Variants in DOCK4 observed in about 807,000 individuals in gnomAD.
DOCK4 encodes the protein dedicator of cytokinesis 4.
Under a neutral mutation model 268.1 loss-of-function variants are expected in DOCK4, and 97 were observed. The observed-to-expected ratio is 0.36, with a 90% CI of 0.31 to 0.43. DOCK4 has a LOEUF of 0.43. DOCK4 is among the 20% of genes least tolerant of loss of function. The pLI is 1.00. For missense variants in DOCK4, 2,145 were observed against 2,455.7 expected (o/e 0.87, Z 2.67); for synonymous variants, 954 against 887.2 (o/e 1.08, Z -1.34).
intron 1 of DOCK4, among the ~76,000 whole-genome samples, chr7:112,179,177 A>C (rs1458626839): frequency 6.6e-6 from 1 of 152,180 alleles, no homozygotes; most frequent in Non-Finnish European, 1.5e-5. Context: ...TCTTGAGACC[A>C]GGAGCTCGGG....
At chr7:112,010,319 CAG>C (rs752089991) in intron 1 of DOCK4, among the ~76,000 whole-genome samples, 31 of 152,176 alleles carry the variant, frequency 2.0e-4, no homozygotes, top group Non-Finnish European at 4.1e-4. Context: ...GGAGGAAAGA[CAG>C]AAGTCATTTG....
intron 30 of DOCK4, among the ~76,000 whole-genome samples, chr7:111,798,824 A>G (rs117353478): frequency 0.043 from 6,540 of 152,342 alleles, 180 homozygotes; most frequent in Middle Eastern, 0.071. Flanking sequence ...AACTCCAAGT[A>G]TGCTTTCCTA....
chr7:111,926,945 A>G (rs1041085941), intron 12 of DOCK4, among the ~76,000 whole-genome samples: 7 of 152,234 alleles, frequency 4.6e-5, no homozygotes, highest in African/African-American at 1.7e-4. Flanking sequence ...GAAGACAGGA[A>G]GAAAGAAAAC....
intron 1 of DOCK4, among the ~76,000 whole-genome samples, chr7:112,144,797 C>T (rs909560575): frequency 6.6e-6 from 1 of 152,174 alleles, no homozygotes; most frequent in Non-Finnish European, 1.5e-5. Context: ...CTCTAAAGCA[C>T]ACTGTGGTAT....
rs114404580 is a variant in DOCK4, at chr7:111,891,041, T to C, written c.1587+4571A>G. 8.2e-3 allele frequency among the ~76,000 whole-genome samples: 1,255 copies of C among 152,322 alleles called. 21 individuals are homozygous for C. Among genetic ancestry groups the C allele is most frequent in the African/African-American group, 0.029 (1,209 of 41,578 alleles). ...GTTTATAAAAATCCAAGACAATTAATGTTCCTTCAAAACCTTACCATAAAC... is the reference window on the plus strand; with the variant it reads ...GTTTATAAAAATCCAAGACAATTAACGTTCCTTCAAAACCTTACCATAAAC... On this transcript the variant is annotated intron_variant, in intron 16 of 52. Coordinates refer to ENST00000428084, the MANE Select transcript of DOCK4 (RefSeq NM_001363540.2).
intron 12 of DOCK4, among the ~76,000 whole-genome samples, chr7:111,932,454 T>C (rs1794279383): frequency 6.6e-6 from 1 of 152,096 alleles, no homozygotes; most frequent in African/African-American, 2.4e-5. Flanking sequence ...TCACAGTTAA[T>C]AGGCAGAAAG....
intron 52 of DOCK4, among the ~76,000 whole-genome samples, chr7:111,729,281 T>G (rs1004730617): frequency 1.3e-5 from 2 of 152,202 alleles, no homozygotes; most frequent in African/African-American, 4.8e-5. Flanking sequence ...AGAAAGGAGC[T>G]GGGCATGGTG....
chr7:111,945,907 A>G, intron 8 of DOCK4, 109 bp from the exon 9 acceptor site: 1 of 753,964 alleles, frequency 1.3e-6, no homozygotes, highest in Non-Finnish European at 2.1e-6. Flanking sequence ...TAGGTTGTTC[A>G]TTTAACATCA....
At chr7:111,815,639 C>A (rs904070812) in intron 27 of DOCK4, among the ~76,000 whole-genome samples, 3 of 139,414 alleles carry the variant, frequency 2.2e-5, no homozygotes, top group Middle Eastern at 3.5e-3. Context: ...CTCCCCCATC[C>A]CCTCCCCTCC....
At chr7:111,753,008 G>GGGT (rs937280897) in intron 42 of DOCK4, among the ~76,000 whole-genome samples, 6 of 146,822 alleles carry the variant, frequency 4.1e-5, no homozygotes, top group South Asian at 4.6e-4. Context: ...AAGCTATTGG[G>GGGT]GGGGGGGTCT....
Position 112,159,850 on chromosome 7 carries a change from T to C in DOCK4, c.37+46252A>G, listed in dbSNP as rs1162922145. Among the ~76,000 whole-genome samples the C allele has an allele frequency of 2.8e-5, 4 of 144,516 alleles. No homozygotes were observed. In the South Asian group the frequency reaches 6.3e-4, roughly 23 times the overall value. 94.8% of individuals were successfully genotyped at this position (144,516 alleles called of 152,430 possible). The stretch of plus-strand genomic sequence containing the variant: ...ATTATGTATATATATACATAATATA[T>C]ATACATAATGTATATACATATACAC... On this transcript the variant is annotated intron_variant, in intron 1 of 52. Coordinates refer to ENST00000428084, the MANE Select transcript of DOCK4 (RefSeq NM_001363540.2).
chr7:112,050,424 AC>A (rs1236022189), intron 1 of DOCK4, among the ~76,000 whole-genome samples: 3 of 152,054 alleles, frequency 2.0e-5, no homozygotes, highest in African/African-American at 7.2e-5. Flanking sequence ...TTGCCCAACA[AC>A]CTTTTTAGTA....
At position 111,822,418 on chromosome 7, in the gene DOCK4, C is replaced by T. The variant is rs1322616229; in HGVS notation, c.2874G>A (p.Leu958=). The change falls in exon 27 of 53, where the codon TTG becomes TTA. Residue 958 remains leucine (L), a synonymous_variant. Coordinates refer to ENST00000428084, the MANE Select transcript of DOCK4 (RefSeq NM_001363540.2). Reference sequence around the variant, plus strand: ...CCTTTGGAAACATCTCCGGGCGTATCAATATTCGGAACACAGTAAATATCT... The same window carrying T: ...CCTTTGGAAACATCTCCGGGCGTATTAATATTCGGAACACAGTAAATATCT... ...LLQIFTVFRI[L]IRPEMFPKDW... 6.2e-7 allele frequency: 1 copy of T among 1,613,522 alleles called. No homozygotes were observed. Among genetic ancestry groups the T allele is most frequent in the Admixed American group, 1.7e-5 (1 of 59,994 alleles).
intron 1 of DOCK4, among the ~76,000 whole-genome samples, chr7:112,167,549 T>C (rs1817711713): frequency 6.6e-6 from 1 of 152,214 alleles, no homozygotes; most frequent in African/African-American, 2.4e-5. Context: ...AAAATGCTCA[T>C]GGCAAAGATA....
intron 16 of DOCK4, among the ~76,000 whole-genome samples, chr7:111,894,644 A>C (rs1808586098): frequency 6.6e-6 from 1 of 152,194 alleles, no homozygotes; most frequent in Non-Finnish European, 1.5e-5. Flanking sequence ...CAGGAGCCAC[A>C]AGGCAAGGGA....
intron 42 of DOCK4, among the ~76,000 whole-genome samples, chr7:111,750,535 T>G (rs544471639): frequency 2.0e-5 from 3 of 152,314 alleles, no homozygotes; most frequent in African/African-American, 7.2e-5. Context: ...AGGAACCCTG[T>G]GAACCTCAGG....
At chr7:111,768,041 T>G (rs1443476036) in intron 37 of DOCK4, among the ~76,000 whole-genome samples, 1 of 152,220 alleles carries the variant, frequency 6.6e-6, no homozygotes, top group Non-Finnish European at 1.5e-5. Flanking sequence ...CAATTAAGCA[T>G]GGCTGTGTTC....
chr7:111,906,442 G>A (rs1791573981), intron 13 of DOCK4, among the ~76,000 whole-genome samples: 1 of 152,140 alleles, frequency 6.6e-6, no homozygotes, highest in African/African-American at 2.4e-5. Flanking sequence ...GTGATGATGT[G>A]TTCTTGGTCA....
At position 111,936,999 on chromosome 7, in the gene DOCK4, C is replaced by G. The variant is rs369842465; in HGVS notation, c.978-1371G>C. On this transcript the variant is annotated intron_variant, in intron 11 of 52. Transcript: ENST00000428084. The stretch of plus-strand genomic sequence containing the variant: ...ACTGCCATTTAGCACATTCTGCCTC[C>G]AGTTTTCTTATTTCAGCCCAGTGGG... Among the ~76,000 whole-genome samples, 6 of 152,290 alleles carry G rather than the reference C, an allele frequency of 3.9e-5. No homozygotes were observed. In the East Asian group the frequency reaches 5.8e-4, roughly 15 times the overall value.
Sources: gnomAD v4.1 joint callset for allele counts (sites outside exome capture counted in the v4.1 genomes callset) on GRCh38, gnomAD v4.1.1 for gene constraint, MANE v1.5 for transcripts, NCBI Gene and HGNC (gene_info 2026-07-23, HGNC 2026-07-21) for gene names.